COMMD1: variants seen among roughly 807,000 people sequenced by gnomAD.
COMMD1 encodes the protein copper metabolism domain containing 1, also known as COMM domain-containing protein 1.
Under a neutral mutation model 17.2 loss-of-function variants are expected in COMMD1, and 10 were observed. That is an observed-to-expected ratio of 0.58 (90% CI 0.36 to 0.99). The LOEUF (loss-of-function observed/expected upper bound fraction) is 0.99. Among genes scored for constraint, COMMD1 ranks in the 50% least tolerant of loss-of-function variants. The pLI is 0.01. For missense variants in COMMD1, 270 were observed against 231.8 expected (o/e 1.17, Z -1.07); for synonymous variants, 97 against 91.6 (o/e 1.06, Z -0.34).
At chr2:61,970,806 C>T (rs1398981063) in intron 1 of COMMD1, among the ~76,000 whole-genome samples, 1 of 152,018 alleles carries the variant, frequency 6.6e-6, no homozygotes, top group East Asian at 1.9e-4. Context: ...AAGTTATTTC[C>T]TTGACAATAT....
intron 2 of COMMD1, among the ~76,000 whole-genome samples, chr2:62,019,961 A>G (rs964135716): frequency 1.3e-5 from 2 of 152,194 alleles, no homozygotes; most frequent in South Asian, 2.1e-4. Context: ...CAGATTATTT[A>G]CATTCATCCC....
intron 1 of COMMD1, among the ~76,000 whole-genome samples, chr2:61,960,120 T>TGC (rs1294895392): frequency 6.6e-6 from 1 of 151,290 alleles, no homozygotes; most frequent in Non-Finnish European, 1.5e-5. Flanking sequence ...TATATGTGTG[T>TGC]GTGTGTGTGT....
chr2:61,978,426 A>T (rs537693567), intron 1 of COMMD1, among the ~76,000 whole-genome samples: 19 of 152,326 alleles, frequency 1.2e-4, no homozygotes, highest in African/African-American at 3.8e-4. Flanking sequence ...GGGTTGATTA[A>T]TATCAAGGTT....
intron 1 of COMMD1, among the ~76,000 whole-genome samples, chr2:61,982,998 TG>T (rs1327807786): frequency 2.0e-5 from 3 of 152,154 alleles, no homozygotes; most frequent in Non-Finnish European, 4.4e-5. Context: ...AAATTTTTAA[TG>T]TATCTTTGGT....
At position 61,952,968 on chromosome 2, in the gene COMMD1, T is replaced by G. The variant is rs1017186998; in HGVS notation, c.180+47110T>G. Among the ~76,000 whole-genome samples, 8 of 152,196 alleles carry G rather than the reference T, an allele frequency of 5.3e-5. No individual in the cohort carries two copies. The East Asian group carries it at 1.5e-3, about 29-fold the overall frequency. ...GCTCCTACTAACAGTTCATAATAGT[T>G]TCAGTTCTTTGACCTCCTTGCCAAC... On this transcript the variant is annotated intron_variant, in intron 1 of 2. Transcript: ENST00000311832.
Position 61,948,813 on chromosome 2 carries a change from C to T in COMMD1, c.180+42955C>T, listed in dbSNP as rs899773782. ...TGTTCCCATTTATCATTTTTAGCCC[C>T]AGGTGGTTGCTTTCAAGGTCCCTGA... On this transcript the variant is annotated intron_variant, in intron 1 of 2. Transcript: ENST00000311832. Among the ~76,000 whole-genome samples, 3 of 152,136 alleles carry T rather than the reference C, an allele frequency of 2.0e-5. No homozygotes were observed. The South Asian group carries it at 6.2e-4, about 32-fold the overall frequency.
intron 2 of COMMD1, among the ~76,000 whole-genome samples, chr2:62,013,295 G>A (rs1243687779): frequency 6.6e-6 from 1 of 151,894 alleles, no homozygotes; most frequent in East Asian, 1.9e-4. Context: ...AAGAAAAACT[G>A]TTATCCTTCA....
chr2:62,041,805 C>T (rs1573105502), intron 2 of COMMD1, among the ~76,000 whole-genome samples: 1 of 152,256 alleles, frequency 6.6e-6, no homozygotes, highest in South Asian at 2.1e-4. Context: ...TTTCTTCCTT[C>T]CGGTGGGTTC....
intron 2 of COMMD1, among the ~76,000 whole-genome samples, chr2:62,127,750 G>A (rs1020628094): frequency 8.5e-5 from 13 of 152,186 alleles, no homozygotes; most frequent in African/African-American, 2.7e-4. Context: ...GGGGCCGGGC[G>A]TAGTGGCTCA....
intron 2 of COMMD1, among the ~76,000 whole-genome samples, chr2:62,034,692 G>A (rs572097467): frequency 6.6e-6 from 1 of 152,244 alleles, no homozygotes; most frequent in South Asian, 2.1e-4. Context: ...AAAATACACA[G>A]TATAGTTGCC....
At chr2:62,031,053 G>A (rs1437871033) in intron 2 of COMMD1, among the ~76,000 whole-genome samples, 1 of 152,148 alleles carries the variant, frequency 6.6e-6, no homozygotes, top group Non-Finnish European at 1.5e-5. Flanking sequence ...GAGAGAGAAT[G>A]CAGGCAAAGT....
At chr2:62,121,371 C>CAAGAAAAAAA (rs1672740322) in intron 2 of COMMD1, among the ~76,000 whole-genome samples, 1 of 47,228 alleles carries the variant, frequency 2.1e-5, no homozygotes, top group African/African-American at 9.3e-5. Flanking sequence ...GACTCTTTCT[C>CAAGAAAAAAA]AAAAAAAAAA....
At chr2:62,059,652 T>C (rs1012136930) in intron 2 of COMMD1, among the ~76,000 whole-genome samples, 10 of 152,148 alleles carry the variant, frequency 6.6e-5, no homozygotes, top group African/African-American at 1.9e-4. Flanking sequence ...ACTACAGCCT[T>C]GAACTCCTGG....
intron 2 of COMMD1, among the ~76,000 whole-genome samples, chr2:62,091,501 G>T (rs553916003): frequency 5.9e-5 from 9 of 152,226 alleles, no homozygotes; most frequent in South Asian, 2.1e-4. Flanking sequence ...ATCCAGAACT[G>T]CTGGGTATCC....
intron 2 of COMMD1, among the ~76,000 whole-genome samples, chr2:62,041,838 T>G (rs932100458): frequency 9.9e-5 from 15 of 151,800 alleles, no homozygotes; most frequent in Non-Finnish European, 1.5e-5. Flanking sequence ...GCTTCAGGAG[T>G]CAAGCTGCAG....
chr2:62,011,347 T>C (rs1418685804), intron 2 of COMMD1, among the ~76,000 whole-genome samples: 1 of 152,236 alleles, frequency 6.6e-6, no homozygotes, highest in Non-Finnish European at 1.5e-5. Context: ...AAATGGGGAC[T>C]GTGTCCCTTT....
chr2:61,997,210 C>G (rs1558553988), intron 1 of COMMD1, among the ~76,000 whole-genome samples: 1 of 152,008 alleles, frequency 6.6e-6, no homozygotes, highest in Non-Finnish European at 1.5e-5. Context: ...CAGATGCGTA[C>G]TACCCCGCTT....
intron 1 of COMMD1, among the ~76,000 whole-genome samples, chr2:61,966,334 C>CA (rs1384342646): frequency 6.6e-6 from 1 of 152,124 alleles, no homozygotes; most frequent in Non-Finnish European, 1.5e-5. Flanking sequence ...GGAAGCCATC[C>CA]AGAGGTGTTC....
chr2:62,114,634 C>A (rs2104054357), intron 2 of COMMD1, among the ~76,000 whole-genome samples: 1 of 152,314 alleles, frequency 6.6e-6, no homozygotes, highest in East Asian at 1.9e-4. Context: ...CATTAGCAGT[C>A]CCCTAAGCAG....
Sources: allele counts gnomAD v4.1 joint callset (sites outside exome capture counted in the v4.1 genomes callset), GRCh38; gene constraint gnomAD v4.1.1; transcripts MANE v1.5; gene names NCBI Gene and HGNC (gene_info 2026-07-23, HGNC 2026-07-21).